RPS7: variants seen among roughly 807,000 people sequenced by gnomAD.
RPS7 encodes ribosomal protein S7, also known as small ribosomal subunit protein eS7.
RPS7 carries 1 observed loss-of-function variant against 22.1 expected under a neutral mutation model. That is an observed-to-expected ratio of 0.05 (90% confidence interval 0.02 to 0.21). The LOEUF (loss-of-function observed/expected upper bound fraction) is 0.21, where lower values mean the gene tolerates loss of function less well. RPS7 is among the 10% of genes least tolerant of loss of function. The probability of loss-of-function intolerance (pLI) is 1.00; values close to 1 mark genes in which losing one functional copy is unlikely to be tolerated. For missense variants in RPS7, 137 were observed against 246.4 expected, an observed-to-expected ratio of 0.56 and a Z score of 2.97; for synonymous variants, 80 against 92.0, an observed-to-expected ratio of 0.87 and a Z score of 0.74.
Position 3,576,640 on chromosome 2 carries a change from C to T in RPS7, c.291+10C>T, listed in dbSNP as rs752017237. Reference sequence around the variant, plus strand: ...CGTCTTTATCGCTCAGGTATCTGTTCTACTGTTGCAGCACGTTTCTGTTTG... The same window carrying T: ...CGTCTTTATCGCTCAGGTATCTGTTTTACTGTTGCAGCACGTTTCTGTTTG... On this transcript the variant is annotated intron_variant, in intron 4 of 6. Transcript: ENST00000645674. The T allele has an allele frequency of 3.7e-6, 6 of 1,614,014 alleles. No homozygotes were observed. Among genetic ancestry groups the T allele is most frequent in the Admixed American group, 1.7e-5 (1 of 60,012 alleles).
chr2:3,580,501 A>C, intron 6 of RPS7: 1 of 636,212 alleles, frequency 1.6e-6, no homozygotes, highest in Non-Finnish European at 2.8e-6. Context: ...GTGGTCTTTT[A>C]GTTAGGCTGT....
rs961405831 is a variant in RPS7 at position 3,575,313 on chromosome 2, C to G, written c.-56C>G. The stretch of plus-strand genomic sequence containing the variant: ...GACGCCGGATTTTGACGTGCTCTCG[C>G]GAGATTTGGGTCTCTTCCTAAGCCG... On this transcript the variant is annotated 5_prime_UTR_variant, in exon 1 of 7. Coordinates refer to ENST00000645674, the MANE Select transcript of RPS7 (RefSeq NM_001011.4). 2.1e-6 allele frequency: 1 copy of G among 473,212 alleles called. No individual in the cohort carries two copies. The highest frequency in any genetic ancestry group is 3.9e-5 in the East Asian group (1 of 25,320). The allele number at this position is 473,212 out of a possible 1,614,324, so 29.3% of individuals were successfully genotyped here.
At chr2:3,579,719 T>A in intron 5 of RPS7, 37 of 255,088 alleles carry the variant, frequency 1.5e-4, no homozygotes, top group South Asian at 3.4e-4. Flanking sequence ...TGGAAGGGGG[T>A]GGTTTTGGAG....
intron 5 of RPS7, chr2:3,578,145 T>TA (rs760988522): frequency 2.2e-4 from 40 of 184,498 alleles, no homozygotes; most frequent in Admixed American, 1.1e-3. Flanking sequence ...GGATTGGAGG[T>TA]AAAAAAATGT....
At chr2:3,577,820 A>G in intron 5 of RPS7, 46 bp downstream of exon 5, 1 of 1,221,182 alleles carries the variant, frequency 8.2e-7, no homozygotes, top group Non-Finnish European at 1.2e-6. Flanking sequence ...CCTCTTATTA[A>G]CAACTCTTAA....
intron 3 of RPS7, 59 bp downstream of exon 3, chr2:3,575,947 C>CT: frequency 7.8e-7 from 1 of 1,280,096 alleles, no homozygotes; most frequent in Non-Finnish European, 1.1e-6. Context: ...CGCGCAGTGC[C>CT]TGAGAGGGTT....
intron 1 of RPS7, 42 bp from the exon 2 acceptor site, chr2:3,575,550 C>T: frequency 6.9e-7 from 1 of 1,458,120 alleles, no homozygotes; most frequent in Non-Finnish European, 9.6e-7. Flanking sequence ...GCCAGCGGCG[C>T]CTGCAGCCCG....
rs1398430513 is a variant in RPS7, at chr2:3,576,914, TTTAA to T, written c.291+289_291+292del. 25 of 436,368 alleles carry T rather than the reference TTTAA, an allele frequency of 5.7e-5. No individual in the cohort carries two copies. In the Middle Eastern group the frequency reaches 2.0e-3, roughly 35 times the overall value. 27.0% of individuals were successfully genotyped at this position (436,368 alleles called of 1,614,324 possible). On this transcript the variant is annotated intron_variant, in intron 4 of 6. Transcript: ENST00000645674. ...TTAAAAAGAAAGATAAAGTACGTTC[TTTAA>T]TTAAGAGTCGAAACAAGAAGTCTGT...
intron 2 of RPS7, 51 bp downstream of exon 2, chr2:3,575,735 A>G (rs976608771): frequency 7.5e-6 from 12 of 1,591,742 alleles, no homozygotes; most frequent in African/African-American, 1.3e-5. Context: ...CCCGCCCGGG[A>G]GGGGAGGCGG....
At position 3,577,742 on chromosome 2, in the gene RPS7, C is replaced by A; in HGVS notation, c.324C>A (p.Ser108Arg). The change falls in exon 5 of 7, where the codon AGC becomes AGA. Residue 108 changes from serine to arginine, a missense_variant. Ser to Arg is a moderately radical substitution (Grantham distance 110). This residue lies in a region of RPS7 where 74 missense variants were observed against 171.4 expected (regional missense o/e 0.43). Transcript: ENST00000645674. ...RRILPKPTRK[S>R]RTKNKQKRPR... ...TTCTGCCTAAGCCAACTCGAAAAAG[C>A]CGTACAAAAAATAAGCAAAAGCGTC... is the stretch of plus-strand genomic sequence containing the variant. 1 of 1,612,956 alleles carries A rather than the reference C, an allele frequency of 6.2e-7. No homozygotes were observed. The highest frequency in any genetic ancestry group is 8.5e-7 in the Non-Finnish European group (1 of 1,179,104).
intron 3 of RPS7, 38 bp downstream of exon 3, chr2:3,575,926 G>T (rs199946211): frequency 6.5e-5 from 96 of 1,474,790 alleles, no homozygotes; most frequent in Admixed American, 1.4e-4. Context: ...GGAGGTTGCG[G>T]CGCGTCTCCC....
chr2:3,575,636 G>A lies in RPS7; in HGVS notation c.27G>A (p.Val9=). 1 of 1,611,470 alleles carries A rather than the reference G, an allele frequency of 6.2e-7. No individual in the cohort carries two copies. The part of the protein sequence containing the change: MFSSSAKI[V]KPNGEKPDEF... ...TGTTCAGTTCGAGCGCCAAGATCGT[G>A]AAGCCCAATGGCGAGAAGCCGGACG... The change falls in exon 2 of 7, where the codon GTG becomes GTA. Residue 9 remains valine (V), a synonymous_variant. Transcript: ENST00000645674.
At chr2:3,575,453 G>A (rs1180006322) in intron 1 of RPS7, 103 bp downstream of exon 1, 2 of 662,150 alleles carry the variant, frequency 3.0e-6, no homozygotes, top group Admixed American at 5.0e-5. Context: ...CACAGGGTGG[G>A]GATACAGCCG....
intron 5 of RPS7, chr2:3,578,956 C>T (rs144284581): frequency 2.0e-5 from 3 of 152,356 alleles, no homozygotes; most frequent in African/African-American, 4.8e-5. Context: ...GATTCTACCA[C>T]TTTTCCAATC....
intron 3 of RPS7, 109 bp downstream of exon 3, chr2:3,575,997 G>T (rs1198895871): frequency 6.0e-6 from 5 of 827,212 alleles, no homozygotes; most frequent in Non-Finnish European, 1.0e-5. Flanking sequence ...CCGCCTGGCC[G>T]CCTAACCTGA....
In RPS7 at chr2:3,575,362, G is replaced by T. The variant is rs560140711; in HGVS notation, c.-19+12G>T. On this transcript the variant is annotated intron_variant, in intron 1 of 6. Transcript: ENST00000645674. ...CGGCGCTCGGCAAGGTAGGTTGGCG[G>T]CCTGCTCTCCGACAGAACTTTTCTT... is the stretch of plus-strand genomic sequence containing the variant. The T allele has an allele frequency of 5.5e-6, 3 of 548,536 alleles. No individual in the cohort carries two copies. The South Asian group carries it at 6.5e-5, about 12-fold the overall frequency. 34.0% of individuals were successfully genotyped at this position (548,536 alleles called of 1,614,324 possible).
chr2:3,575,583 T>C lies in RPS7; in HGVS notation c.-18-9T>C, dbSNP rs768167442. On this transcript the variant is annotated splice_polypyrimidine_tract_variant and intron_variant, in intron 1 of 6. Coordinates refer to ENST00000645674, the MANE Select transcript of RPS7 (RefSeq NM_001011.4). Reference sequence around the variant, plus strand: ...CCGGGCCGCGTAACGCTGACCGCTGTGCCTTCAGTTCTCCCAGGAGAAAGC... The same window carrying C: ...CCGGGCCGCGTAACGCTGACCGCTGCGCCTTCAGTTCTCCCAGGAGAAAGC... 6.2e-7 allele frequency: 1 copy of C among 1,601,300 alleles called. No individual in the cohort carries two copies. Among genetic ancestry groups the C allele is most frequent in the South Asian group, 1.1e-5 (1 of 90,822 alleles).
In RPS7 at chr2:3,580,363, T is replaced by G. The variant is rs1487466308; in HGVS notation, c.507+103T>G. 3 of 1,010,402 alleles carry G rather than the reference T, an allele frequency of 3.0e-6. No individual in the cohort carries two copies. The South Asian group carries it at 4.0e-5, about 13-fold the overall frequency. The allele number at this position is 1,010,402 out of a possible 1,614,324, so 62.6% of individuals were successfully genotyped here. On this transcript the variant is annotated intron_variant, in intron 6 of 6. Transcript: ENST00000645674. ...CACCATAGCAATGACTGTAGTAAAC[T>G]CAGGACTAGTTCTTTTACCCGCACT...
chr2:3,578,188 A>G (rs561179249), intron 5 of RPS7: 10 of 168,214 alleles, frequency 5.9e-5, no homozygotes, highest in Admixed American at 5.9e-4. Context: ...CACAGGTTAA[A>G]ATATCACTGC....
Sources: gnomAD v4.1 joint callset for allele counts on GRCh38, gnomAD v4.1.1 for gene constraint, gnomAD v4.1.1 regional missense constraint, MANE v1.5 for transcripts, NCBI Gene and HGNC (gene_info 2026-07-23, HGNC 2026-07-21) for gene names.